Variants in TXLNB observed in about 807,000 individuals in gnomAD.
TXLNB encodes taxilin beta.
A neutral mutation model predicts 57.4 loss-of-function variants in TXLNB; 37 were observed. The observed-to-expected ratio is 0.64, with a 90% CI of 0.50 to 0.85. The LOEUF is 0.85. Among genes scored for constraint, TXLNB ranks in the 40% least tolerant of loss-of-function variants. TXLNB has a pLI of 0.00. For missense variants in TXLNB, 848 were observed against 825.6 expected (o/e 1.03, Z -0.33); for synonymous variants, 302 against 309.6 (o/e 0.98, Z 0.26).
At chr6:139,235,574 C>G (rs138281391), downstream of TXLNB, among the ~76,000 whole-genome samples, 26 of 152,176 alleles carry the variant, frequency 1.7e-4, 1 homozygote, top group African/African-American at 5.8e-4. Context: ...AAGGGTGGGA[C>G]CAGGTGGAGG....
the TXLNB span, among the ~76,000 whole-genome samples, chr6:139,180,988 T>TATC: frequency 6.6e-6 from 1 of 152,230 alleles, no homozygotes; most frequent in African/African-American, 2.4e-5. Flanking sequence ...TTGCGTCATG[T>TATC]ATCACATGTA....
chr6:139,286,912 A>G (rs1777190278), intron 2 of TXLNB: 1 of 160,162 alleles, frequency 6.2e-6, no homozygotes. Context: ...GGTGAGTTGT[A>G]TAATCATTTC....
chr6:139,201,452 T>A, the TXLNB span, among the ~76,000 whole-genome samples: 1 of 152,162 alleles, frequency 6.6e-6, no homozygotes, highest in Non-Finnish European at 1.5e-5. Flanking sequence ...CCTTATAACC[T>A]GATGTTAACC....
At chr6:139,217,987 T>C in the TXLNB span, among the ~76,000 whole-genome samples, 1 of 152,200 alleles carries the variant, frequency 6.6e-6, no homozygotes. Context: ...TCCAATAATT[T>C]GTATTTACCT....
chr6:139,296,631 G>A (rs1041485703), upstream of TXLNB, among the ~76,000 whole-genome samples: 8 of 151,830 alleles, frequency 5.3e-5, no homozygotes, highest in African/African-American at 1.2e-4. Flanking sequence ...GCCTCATATC[G>A]CTCAGTTCAG....
the TXLNB span, among the ~76,000 whole-genome samples, chr6:139,315,734 T>A: frequency 2.6e-5 from 4 of 152,166 alleles, no homozygotes; most frequent in Admixed American, 6.5e-5. Context: ...AAATTCTTCA[T>A]GAGAATAAAG....
chr6:139,159,363 C>G, the TXLNB span: 1 of 152,176 alleles, frequency 6.6e-6, no homozygotes. Flanking sequence ...TCTAATAAAA[C>G]AGTTTTGAAA....
At chr6:139,174,397 A>G in the TXLNB span, 1 of 1,613,592 alleles carries the variant, frequency 6.2e-7, no homozygotes, top group Non-Finnish European at 8.5e-7. Context: ...AGACTCATGC[A>G]TCTGTATGCC....
the TXLNB span, among the ~76,000 whole-genome samples, chr6:139,165,772 C>A: frequency 2.0e-5 from 3 of 146,764 alleles, no homozygotes; most frequent in Non-Finnish European, 4.5e-5. Context: ...GTTTTCTGTC[C>A]TTTCTGGGAA....
the TXLNB span, among the ~76,000 whole-genome samples, chr6:139,305,485 A>G: frequency 2.0e-5 from 3 of 152,218 alleles, no homozygotes; most frequent in Admixed American, 1.3e-4. Flanking sequence ...ACATAGTTAT[A>G]TAACATCTGT....
At chr6:139,180,695 A>C in the TXLNB span, 2 of 151,362 alleles carry the variant, frequency 1.3e-5, no homozygotes, top group African/African-American at 4.8e-5. Context: ...TAAATAGTTA[A>C]AGAATGTTGA....
At chr6:139,322,481 C>T in the TXLNB span, among the ~76,000 whole-genome samples, 1 of 152,160 alleles carries the variant, frequency 6.6e-6, no homozygotes, top group Admixed American at 6.5e-5. Context: ...CTAAACACCT[C>T]CCATTAGGCC....
the TXLNB span, chr6:139,234,058 G>C: frequency 6.6e-6 from 1 of 152,242 alleles, no homozygotes; most frequent in Admixed American, 6.5e-5. Context: ...TTAGCAAAGA[G>C]ACTGGCAGCA....
the TXLNB span, among the ~76,000 whole-genome samples, chr6:139,321,409 C>A: frequency 6.6e-6 from 1 of 152,174 alleles, no homozygotes; most frequent in African/African-American, 2.4e-5. Context: ...TGACCAGATA[C>A]TGAATCTGCT....
chr6:139,191,583 T>C, the TXLNB span, among the ~76,000 whole-genome samples: 1 of 152,228 alleles, frequency 6.6e-6, no homozygotes, highest in Non-Finnish European at 1.5e-5. Flanking sequence ...GCTAGATTTT[T>C]TTCACCAAAA....
At chr6:139,303,329 G>A in the TXLNB span, among the ~76,000 whole-genome samples, 11 of 152,078 alleles carry the variant, frequency 7.2e-5, no homozygotes, top group East Asian at 5.8e-4. Flanking sequence ...CTGGTCTGGC[G>A]CTGGATGGAA....
chr6:139,297,805 C>G, the TXLNB span, among the ~76,000 whole-genome samples: 1 of 152,132 alleles, frequency 6.6e-6, no homozygotes, highest in Non-Finnish European at 1.5e-5. Context: ...ATAACATTTT[C>G]AAATTGTTGC....
chr6:139,237,958 T>C (rs370597545), downstream of TXLNB, among the ~76,000 whole-genome samples: 291 of 152,352 alleles, frequency 1.9e-3, 1 homozygote, highest in African/African-American at 6.5e-3. Context: ...CTTCTGTGAA[T>C]AATTTTTGTG....
rs149126287 is a variant in TXLNB at position 139,267,616 on chromosome 6, C to T, written c.687+2840G>A. 4.2e-3 allele frequency among the ~76,000 whole-genome samples: 639 copies of T among 152,168 alleles called. 4 individuals are homozygous for T. The highest frequency in any genetic ancestry group is 0.015 in the African/African-American group (605 of 41,524). On this transcript the variant is annotated intron_variant, in intron 4 of 9. Coordinates refer to ENST00000358430, the MANE Select transcript of TXLNB (RefSeq NM_153235.4). ...AAATAATAAATAATAAAATGGTAGA[C>T]ATATATCAAACCACATCAGTAAGTA...
Sources: allele counts gnomAD v4.1 joint callset (sites outside exome capture counted in the v4.1 genomes callset), GRCh38; gene constraint gnomAD v4.1.1; transcripts MANE v1.5; gene names NCBI Gene and HGNC (gene_info 2026-07-23, HGNC 2026-07-21).